The following VWC2 variants were observed in gnomAD, a reference collection of about 807,000 sequenced individuals.
VWC2 encodes the protein brorin.
VWC2 carries 14 observed loss-of-function variants against 29.8 expected under a neutral mutation model. That is an observed-to-expected ratio of 0.47 (90% CI 0.31 to 0.74). The LOEUF (loss-of-function observed/expected upper bound fraction) is 0.74, where lower values mean the gene tolerates loss of function less well. Ranked by LOEUF, VWC2 falls within the 30% of genes least tolerant of loss-of-function variation. The pLI, the probability that VWC2 is intolerant of heterozygous loss-of-function variation, is 0.05. For missense variants in VWC2, 457 were observed against 459.8 expected (o/e 0.99, Z 0.05); for synonymous variants, 213 against 199.0 (o/e 1.07, Z -0.59).
rs945602143 is a variant in VWC2, at chr7:49,810,509, G to GT, written c.826+7675dup. On this transcript the variant is annotated intron_variant, in intron 3 of 3. Coordinates refer to ENST00000340652, the MANE Select transcript of VWC2 (RefSeq NM_198570.5). ...AATTCCTACACAAATCCCAGCATAC[G>GT]TTTTTTGTAGAAATTGACAGTCTGA... 5.8e-4 allele frequency among the ~76,000 whole-genome samples: 89 copies of GT among 152,188 alleles called. 1 individual carries two copies. The highest frequency in any genetic ancestry group is 2.0e-3 in the African/African-American group (83 of 41,554).
At chr7:49,894,508 C>T (rs908292667) in intron 3 of VWC2, among the ~76,000 whole-genome samples, 22 of 152,226 alleles carry the variant, frequency 1.4e-4, no homozygotes, top group African/African-American at 5.3e-4. Context: ...GCAATTTATC[C>T]ACCAACTCAG....
At chr7:49,785,471 T>A (rs1788274888) in intron 2 of VWC2, among the ~76,000 whole-genome samples, 1 of 152,148 alleles carries the variant, frequency 6.6e-6, no homozygotes, top group Non-Finnish European at 1.5e-5. Context: ...TTAAGATAGT[T>A]CCAAGAGATG....
chr7:49,799,243 T>C (rs556085352), intron 2 of VWC2, among the ~76,000 whole-genome samples: 4 of 152,150 alleles, frequency 2.6e-5, no homozygotes, highest in Non-Finnish European at 4.4e-5. Flanking sequence ...GTTCATGGGT[T>C]AGGATTGGAA....
chr7:49,908,087 C>T lies in VWC2; in HGVS notation c.827-3947C>T, dbSNP rs144434065. 5.3e-5 allele frequency among the ~76,000 whole-genome samples: 8 copies of T among 152,292 alleles called. No homozygotes were observed. The East Asian group carries it at 1.3e-3, about 26-fold the overall frequency. On this transcript the variant is annotated intron_variant, in intron 3 of 3. Coordinates refer to ENST00000340652, the MANE Select transcript of VWC2 (RefSeq NM_198570.5). ...AAGAAATATATTTTGGGACAAAATA[C>T]ATCTATTTCTTTCAGGGACCACTGT...
rs6964761 is a variant in VWC2 at position 49,782,386 on chromosome 7, C to A, written c.696+6255C>A. Among the ~76,000 whole-genome samples the A allele has an allele frequency of 8.6e-3, 1,315 of 152,216 alleles. 26 individuals carry two copies. The highest frequency in any genetic ancestry group is 0.031 in the African/African-American group (1,271 of 41,524). On this transcript the variant is annotated intron_variant, in intron 2 of 3. Transcript: ENST00000340652. ...ATGAGGAGGTTTAGGAAAGCAGGTC[C>A]CATGCTCTCCAGTCCTTTCCTCTTC...
intron 3 of VWC2, among the ~76,000 whole-genome samples, chr7:49,830,336 G>C (rs1789496630): frequency 6.6e-6 from 1 of 152,130 alleles, no homozygotes; most frequent in Non-Finnish European, 1.5e-5. Flanking sequence ...GGGGTGATGA[G>C]GGCTCTCTGT....
chr7:49,810,528 A>C (rs115651684), intron 3 of VWC2, among the ~76,000 whole-genome samples: 3,786 of 152,270 alleles, frequency 0.025, 179 homozygotes, highest in African/African-American at 0.086. Flanking sequence ...AGAAATTGAC[A>C]GTCTGATCCT....
chr7:49,835,865 G>T (rs989300012), intron 3 of VWC2, among the ~76,000 whole-genome samples: 1 of 151,974 alleles, frequency 6.6e-6, no homozygotes, highest in Non-Finnish European at 1.5e-5. Context: ...TATATTTTTC[G>T]AATTTGTTAT....
At position 49,916,733 on chromosome 7, in the gene VWC2, A is replaced by C. The variant is rs1410618885; in HGVS notation, c.*4548A>C. The C allele has an allele frequency of 6.6e-6, 1 of 152,254 alleles. No homozygotes were observed. Among genetic ancestry groups the C allele is most frequent in the Non-Finnish European group, 1.5e-5 (1 of 68,050 alleles). The allele number at this position is 152,254 out of a possible 1,614,324, so 9.4% of individuals were successfully genotyped here. A position where few individuals can be genotyped will look rare whatever the true frequency, so the allele number is the denominator to read the frequency against. ...TGTTTAAGGACAATGTATGTATTAA[A>C]GAGCAACTAAAAACTCCCATTACTG... On this transcript the variant is annotated 3_prime_UTR_variant, in exon 4 of 4. Transcript: ENST00000340652.
At chr7:49,776,235 C>G in intron 2 of VWC2, 104 bp downstream of exon 2, 12 of 1,048,394 alleles carry the variant, frequency 1.1e-5, no homozygotes, top group Non-Finnish European at 1.6e-5. Flanking sequence ...CTCTCTGGTT[C>G]TGAGAGGTGG....
intron 2 of VWC2, among the ~76,000 whole-genome samples, chr7:49,799,706 C>T (rs67688148): frequency 0.11 from 16,378 of 152,200 alleles, 940 homozygotes; most frequent in African/African-American, 0.12. Context: ...AGAAATGCAT[C>T]CTTAGGTGAT....
intron 3 of VWC2, among the ~76,000 whole-genome samples, chr7:49,868,664 C>T (rs1791011662): frequency 6.6e-6 from 1 of 152,176 alleles, no homozygotes; most frequent in African/African-American, 2.4e-5. Flanking sequence ...GTCACCTAGG[C>T]TGAAGTGCAA....
At chr7:49,880,474 A>G (rs887012195) in intron 3 of VWC2, among the ~76,000 whole-genome samples, 1 of 151,622 alleles carries the variant, frequency 6.6e-6, no homozygotes, top group African/African-American at 2.4e-5. Context: ...AAGATTTTTT[A>G]TTATGGATTC....
chr7:49,809,539 G>A (rs1008443190), intron 3 of VWC2, among the ~76,000 whole-genome samples: 1 of 151,952 alleles, frequency 6.6e-6, no homozygotes, highest in Admixed American at 6.6e-5. Flanking sequence ...TGACCACAAT[G>A]CTGAAGGTAG....
intron 3 of VWC2, among the ~76,000 whole-genome samples, chr7:49,882,813 A>G (rs1316081083): frequency 1.3e-5 from 2 of 152,162 alleles, no homozygotes; most frequent in Non-Finnish European, 2.9e-5. Context: ...CAAGTCATTT[A>G]TAAGTTTCAA....
chr7:49,859,394 G>T (rs182174363), intron 3 of VWC2, among the ~76,000 whole-genome samples: 10 of 152,130 alleles, frequency 6.6e-5, no homozygotes, highest in Admixed American at 5.2e-4. Context: ...CCTCCTTAAA[G>T]TTTTAAATTC....
At chr7:49,876,789 G>C (rs1791429792) in intron 3 of VWC2, among the ~76,000 whole-genome samples, 1 of 151,962 alleles carries the variant, frequency 6.6e-6, no homozygotes, top group Non-Finnish European at 1.5e-5. Flanking sequence ...TAATTAGCTT[G>C]AAAATGATTC....
chr7:49,885,604 C>T (rs118035953), intron 3 of VWC2, among the ~76,000 whole-genome samples: 1 of 152,230 alleles, frequency 6.6e-6, no homozygotes, highest in Non-Finnish European at 1.5e-5. Flanking sequence ...GAGTGAAGCA[C>T]AAGATATGTT....
chr7:49,811,163 A>T (rs1788996965), intron 3 of VWC2, among the ~76,000 whole-genome samples: 1 of 152,204 alleles, frequency 6.6e-6, no homozygotes, highest in African/African-American at 2.4e-5. Context: ...ACACAACTTG[A>T]AAAGAAGACA....
Sources: gnomAD v4.1 joint callset for allele counts (sites outside exome capture counted in the v4.1 genomes callset) on GRCh38, gnomAD v4.1.1 for gene constraint, MANE v1.5 for transcripts, NCBI Gene and HGNC (gene_info 2026-07-23, HGNC 2026-07-21) for gene names.